Variants in ATP10B observed in about 807,000 individuals in gnomAD.
ATP10B encodes phospholipid-transporting ATPase VB.
Under a neutral mutation model 141.2 loss-of-function variants are expected in ATP10B, and 122 were observed. That is an observed-to-expected ratio of 0.86 (90% confidence interval 0.75 to 1.00). ATP10B has a LOEUF of 1.00. ATP10B is among the 50% of genes least tolerant of loss of function. The probability of loss-of-function intolerance (pLI) is 0.00; values close to 1 mark genes in which losing one functional copy is unlikely to be tolerated. For synonymous variants in ATP10B, 685 were observed against 692.0 expected, an observed-to-expected ratio of 0.99 and a Z score of 0.16; for missense variants, 1,876 against 1,825.3, an observed-to-expected ratio of 1.03 and a Z score of -0.51.
intron 1 of ATP10B, among the ~76,000 whole-genome samples, chr5:160,798,721 G>A (rs1479919793): frequency 6.6e-6 from 1 of 151,152 alleles, no homozygotes; most frequent in Non-Finnish European, 1.5e-5. Flanking sequence ...TAATACATGG[G>A]TCAAGGAAAA....
intron 10 of ATP10B, 91 bp downstream of exon 10, chr5:160,640,365 CATTTT>C: frequency 2.8e-6 from 4 of 1,429,506 alleles, no homozygotes; most frequent in Non-Finnish European, 2.9e-6. Context: ...GTAGGCTTTA[CATTTT>C]ATTAGCCCTA....
At chr5:160,878,600 C>G in the ATP10B span, among the ~76,000 whole-genome samples, 2 of 151,824 alleles carry the variant, frequency 1.3e-5, no homozygotes, top group African/African-American at 4.8e-5. Flanking sequence ...GAACAGGCAA[C>G]CTACAAAATG....
intron 2 of ATP10B, among the ~76,000 whole-genome samples, chr5:160,772,304 C>T (rs935272914): frequency 6.6e-6 from 1 of 152,224 alleles, no homozygotes; most frequent in Non-Finnish European, 1.5e-5. Context: ...ATGATGCCTG[C>T]AAAGTGTATC....
chr5:160,597,748 T>C (rs536970173), intron 22 of ATP10B, among the ~76,000 whole-genome samples: 143 of 152,224 alleles, frequency 9.4e-4, no homozygotes, highest in African/African-American at 3.3e-3. Context: ...CATGAACAGA[T>C]ACTTCTCAAA....
the ATP10B span, among the ~76,000 whole-genome samples, chr5:160,875,665 G>A: frequency 1.5e-5 from 1 of 68,804 alleles, no homozygotes; most frequent in Non-Finnish European, 3.8e-5. Context: ...ACACACATAG[G>A]CTCAAAATAA....
the ATP10B span, among the ~76,000 whole-genome samples, chr5:160,875,423 C>CA: frequency 8.8e-6 from 1 of 113,956 alleles, no homozygotes; most frequent in Admixed American, 8.9e-5. Context: ...CCAGCCACTG[C>CA]AAAATCATGC....
At chr5:160,794,689 C>T (rs1376056870) in intron 1 of ATP10B, among the ~76,000 whole-genome samples, 1 of 152,192 alleles carries the variant, frequency 6.6e-6, no homozygotes, top group South Asian at 2.1e-4. Context: ...ACATCAAACT[C>T]CTTGCCTCTT....
At chr5:160,708,648 C>T (rs139048815) in intron 3 of ATP10B, among the ~76,000 whole-genome samples, 1 of 152,252 alleles carries the variant, frequency 6.6e-6, no homozygotes, top group African/African-American at 2.4e-5. Context: ...TGGTAGAAGG[C>T]ATGTACAGGT....
chr5:160,820,476 G>T (rs1019149856), intron 1 of ATP10B, among the ~76,000 whole-genome samples: 1 of 152,022 alleles, frequency 6.6e-6, no homozygotes, highest in African/African-American at 2.4e-5. Context: ...AGAAGAACTA[G>T]TATCAATCCT....
intron 1 of ATP10B, among the ~76,000 whole-genome samples, chr5:160,850,085 A>G (rs1199803128): frequency 6.6e-6 from 1 of 152,206 alleles, no homozygotes; most frequent in Middle Eastern, 3.4e-3. Context: ...CTGACATGGC[A>G]GAAGCTGTTT....
In ATP10B at chr5:160,644,341, T is replaced by A. The variant is rs1760113956; in HGVS notation, c.762-97A>T. ...AACTAGAAGTGGTGAGTGAACATGA[T>A]CCCTCTCCTCCCTGTTTTTTCAGAA... On this transcript the variant is annotated intron_variant, in intron 8 of 25. Coordinates refer to ENST00000327245, the MANE Select transcript of ATP10B (RefSeq NM_025153.3). The A allele has an allele frequency of 8.9e-6, 7 of 782,934 alleles. No homozygotes were observed. In the South Asian group the frequency reaches 9.9e-5, roughly 11 times the overall value. 48.5% of individuals were successfully genotyped at this position (782,934 alleles called of 1,614,324 possible).
At chr5:160,663,641 G>T (rs1344583014) in intron 7 of ATP10B, among the ~76,000 whole-genome samples, 2 of 149,690 alleles carry the variant, frequency 1.3e-5, no homozygotes, top group Admixed American at 1.3e-4. Flanking sequence ...GCCTGTTGTG[G>T]GGTGGGGAGA....
intron 3 of ATP10B, among the ~76,000 whole-genome samples, chr5:160,714,873 C>T (rs797013815): frequency 3.1e-4 from 46 of 147,234 alleles, no homozygotes; most frequent in South Asian, 2.0e-3. Context: ...AATACCCTGC[C>T]GTGTGAGGTG....
At chr5:160,818,901 A>T (rs1240521149) in intron 1 of ATP10B, among the ~76,000 whole-genome samples, 1 of 152,184 alleles carries the variant, frequency 6.6e-6, no homozygotes, top group Non-Finnish European at 1.5e-5. Context: ...TTTCAAGGAC[A>T]AAAAACCAAA....
intron 1 of ATP10B, among the ~76,000 whole-genome samples, chr5:160,838,679 A>G (rs900469663): frequency 6.6e-6 from 1 of 152,196 alleles, no homozygotes; most frequent in Admixed American, 6.5e-5. Flanking sequence ...GCTAGACACC[A>G]GAGAACGATG....
chr5:160,589,168 C>T (rs1358236866), intron 24 of ATP10B, among the ~76,000 whole-genome samples: 2 of 152,088 alleles, frequency 1.3e-5, no homozygotes, highest in Non-Finnish European at 2.9e-5. Flanking sequence ...CCTGCTACCA[C>T]ACCCAACTAA....
intron 2 of ATP10B, among the ~76,000 whole-genome samples, chr5:160,782,438 T>C (rs866102951): frequency 2.1e-4 from 29 of 141,178 alleles, no homozygotes; most frequent in South Asian, 7.0e-4. Flanking sequence ...TCTTCCTCCA[T>C]ACACACACAC....
At chr5:160,752,891 G>A (rs549004430) in intron 2 of ATP10B, among the ~76,000 whole-genome samples, 11 of 152,256 alleles carry the variant, frequency 7.2e-5, no homozygotes, top group Admixed American at 2.0e-4. Context: ...GGTGTGTGGG[G>A]TTTGGTTGGA....
chr5:160,615,747 C>T, intron 17 of ATP10B, 91 bp downstream of exon 17: 1 of 1,503,326 alleles, frequency 6.7e-7, no homozygotes. Context: ...CTAATGGAGA[C>T]ATATTAGTAG....
Sources: gnomAD v4.1 joint callset for allele counts (sites outside exome capture counted in the v4.1 genomes callset) on GRCh38, gnomAD v4.1.1 for gene constraint, MANE v1.5 for transcripts, NCBI Gene and HGNC (gene_info 2026-07-23, HGNC 2026-07-21) for gene names.